The following LCORL variants were observed in gnomAD, a reference collection of about 807,000 sequenced individuals.
LCORL encodes the protein ligand-dependent nuclear receptor corepressor-like protein.
LCORL carries 41 observed loss-of-function variants against 141.8 expected under a neutral mutation model. The ratio of observed to expected loss-of-function variants is 0.29; its 90% CI spans 0.23 to 0.38. The LOEUF is 0.38. LCORL is among the 10% of genes least tolerant of loss of function. The pLI is 1.00. For synonymous variants in LCORL, 618 were observed against 694.1 expected, an observed-to-expected ratio of 0.89 and a Z score of 1.72; for missense variants, 1,759 against 2,035.0, an observed-to-expected ratio of 0.86 and a Z score of 2.61.
chr4:17,917,456 G>A (rs1469875059), intron 4 of LCORL, among the ~76,000 whole-genome samples: 1 of 152,210 alleles, frequency 6.6e-6, no homozygotes, highest in African/African-American at 2.4e-5. Context: ...GCCTCCCAAA[G>A]TGCTGGGATT....
intron 4 of LCORL, among the ~76,000 whole-genome samples, chr4:17,916,728 T>A (rs1733500685): frequency 1.5e-5 from 2 of 130,044 alleles, no homozygotes; most frequent in Admixed American, 9.0e-5. Context: ...CACTGCAACC[T>A]CCACCTCCCG....
At position 17,922,991 on chromosome 4, in the gene LCORL, A is replaced by G. The variant is rs377232522; in HGVS notation, c.431-13646T>C. Among the ~76,000 whole-genome samples, 28 of 152,288 alleles carry G rather than the reference A, an allele frequency of 1.8e-4. 1 individual carries two copies. In the South Asian group the frequency reaches 2.9e-3, roughly 16 times the overall value. ...GGCCCCCCCAAGGCAGCTTCCAGGA[A>G]AGACAGTGACGATTCTCCTCAGGAC... On this transcript the variant is annotated intron_variant, in intron 4 of 7. Transcript: ENST00000635767.
At chr4:18,008,781 T>C (rs1002784281) in intron 1 of LCORL, among the ~76,000 whole-genome samples, 1 of 152,170 alleles carries the variant, frequency 6.6e-6, no homozygotes, top group Non-Finnish European at 1.5e-5. Flanking sequence ...AGACAACATG[T>C]ATATTACTAA....
intron 4 of LCORL, among the ~76,000 whole-genome samples, chr4:17,923,830 A>G (rs1190314834): frequency 5.3e-5 from 8 of 152,214 alleles, no homozygotes; most frequent in African/African-American, 1.9e-4. Context: ...CTCTTGACCA[A>G]TACTTTGCAA....
chr4:17,981,400 A>T (rs1263893212), intron 1 of LCORL, among the ~76,000 whole-genome samples: 1 of 152,192 alleles, frequency 6.6e-6, no homozygotes, highest in Non-Finnish European at 1.5e-5. Flanking sequence ...TGAATACAAA[A>T]TTATCATTTT....
intron 4 of LCORL, among the ~76,000 whole-genome samples, chr4:17,955,413 CAAT>C (rs1334541706): frequency 6.6e-6 from 1 of 152,056 alleles, no homozygotes; most frequent in Non-Finnish European, 1.5e-5. Context: ...AAAGTATGGA[CAAT>C]AACAAATATT....
chr4:17,926,909 C>G (rs1735240270), intron 4 of LCORL, among the ~76,000 whole-genome samples: 1 of 152,152 alleles, frequency 6.6e-6, no homozygotes, highest in South Asian at 2.1e-4. Flanking sequence ...CAAGTTAAAG[C>G]CATAGTTGCA....
chr4:17,855,392 C>G (rs1221802212), intron 7 of LCORL, among the ~76,000 whole-genome samples: 1 of 152,000 alleles, frequency 6.6e-6, no homozygotes, highest in Non-Finnish European at 1.5e-5. Flanking sequence ...CACTGCCAAC[C>G]AACTGTAAAA....
chr4:17,880,960 TAA>T, intron 6 of LCORL: 8 of 983,124 alleles, frequency 8.1e-6, no homozygotes, highest in Non-Finnish European at 9.7e-6. Context: ...AGAGTTTTAC[TAA>T]ATTACTGCGA....
chr4:17,930,724 T>C (rs1735896379), intron 4 of LCORL, among the ~76,000 whole-genome samples: 1 of 152,190 alleles, frequency 6.6e-6, no homozygotes, highest in African/African-American at 2.4e-5. Flanking sequence ...CGTGAGATTG[T>C]TCTGTAGTGG....
intron 4 of LCORL, among the ~76,000 whole-genome samples, chr4:17,937,688 G>T (rs1737095652): frequency 6.6e-6 from 1 of 152,048 alleles, no homozygotes; most frequent in African/African-American, 2.4e-5. Context: ...ATGCACCCTT[G>T]CCCCCATAAC....
chr4:17,851,133 TG>T (rs1369455418), intron 7 of LCORL, among the ~76,000 whole-genome samples: 6 of 73,218 alleles, frequency 8.2e-5, no homozygotes, highest in African/African-American at 2.8e-4. Context: ...TGTTGTGGGG[TG>T]GGGGGAGGGG....
chr4:17,957,319 T>C (rs975825311), intron 4 of LCORL, among the ~76,000 whole-genome samples: 1 of 151,944 alleles, frequency 6.6e-6, no homozygotes, highest in Non-Finnish European at 1.5e-5. Flanking sequence ...TTATGTTACA[T>C]AAAGTAAGGA....
chr4:17,852,936 G>C (rs540488191), intron 7 of LCORL, among the ~76,000 whole-genome samples: 18 of 152,012 alleles, frequency 1.2e-4, no homozygotes, highest in African/African-American at 4.3e-4. Flanking sequence ...CAATAAACTT[G>C]AATGTTACCT....
chr4:17,999,385 T>C (rs1231825266), intron 1 of LCORL, among the ~76,000 whole-genome samples: 2 of 147,154 alleles, frequency 1.4e-5, no homozygotes, highest in Admixed American at 6.9e-5. Context: ...ACCCGGGAGG[T>C]GGAGCTTGCA....
intron 1 of LCORL, among the ~76,000 whole-genome samples, chr4:18,020,970 G>C (rs1725441290): frequency 6.6e-6 from 1 of 152,112 alleles, no homozygotes; most frequent in Non-Finnish European, 1.5e-5. Flanking sequence ...CGCCGCCGCC[G>C]AGCGCGAGAG....
chr4:17,853,762 T>C (rs967176323), intron 7 of LCORL, among the ~76,000 whole-genome samples: 6 of 152,122 alleles, frequency 3.9e-5, no homozygotes, highest in African/African-American at 1.4e-4. Context: ...CAAATTGATG[T>C]CTCCACAAAT....
chr4:17,987,853 G>GT (rs1409763807), intron 1 of LCORL, among the ~76,000 whole-genome samples: 1 of 152,138 alleles, frequency 6.6e-6, no homozygotes, highest in Non-Finnish European at 1.5e-5. Flanking sequence ...TCATTATTGA[G>GT]TTGTAAGCGT....
chr4:17,988,644 T>C (rs982253552), intron 1 of LCORL, among the ~76,000 whole-genome samples: 1 of 152,240 alleles, frequency 6.6e-6, no homozygotes, highest in Non-Finnish European at 1.5e-5. Flanking sequence ...TTACTGGATT[T>C]ATTCTTGCTT....
Sources: allele counts gnomAD v4.1 joint callset (sites outside exome capture counted in the v4.1 genomes callset), GRCh38; gene constraint gnomAD v4.1.1; transcripts MANE v1.5; gene names NCBI Gene and HGNC (gene_info 2026-07-23, HGNC 2026-07-21).